ZFAT: variants seen among roughly 807,000 people sequenced by gnomAD.
ZFAT encodes the protein zinc finger protein ZFAT.
In ZFAT, 64 loss-of-function variants were observed where a neutral mutation model predicts 117.7. The ratio of observed to expected loss-of-function variants is 0.54; its 90% CI spans 0.44 to 0.67. The LOEUF is 0.67. ZFAT is among the 30% of genes least tolerant of loss of function. The probability of loss-of-function intolerance (pLI) is 0.00; values close to 1 mark genes in which losing one functional copy is unlikely to be tolerated. For synonymous variants in ZFAT, 679 were observed against 615.0 expected (o/e 1.10, Z -1.54); for missense variants, 1,433 against 1,584.5 (o/e 0.90, Z 1.62).
chr8:134,519,646 T>C (rs775789476), intron 13 of ZFAT, among the ~76,000 whole-genome samples: 1 of 152,244 alleles, frequency 6.6e-6, no homozygotes, highest in Non-Finnish European at 1.5e-5. Context: ...ACTTTTTATT[T>C]CTTTCCTTCC....
intron 4 of ZFAT, 109 bp downstream of exon 4, chr8:134,610,361 C>T: frequency 1.7e-6 from 2 of 1,193,546 alleles, no homozygotes; most frequent in Admixed American, 2.9e-5. Context: ...AATGGAGAGC[C>T]CCACCAATGC....
rs903261288 is a variant in ZFAT, at chr8:134,610,785, C to T, written c.449-130G>A. ...TTGGTCTGCAGTGCCACGCAGACCA[C>T]GGAATCACTGTAGGTACCACGGTGG... On this transcript the variant is annotated intron_variant, in intron 3 of 15. Coordinates refer to ENST00000377838, the MANE Select transcript of ZFAT (RefSeq NM_020863.4). The T allele has an allele frequency of 2.8e-5, 28 of 1,015,002 alleles. No individual in the cohort carries two copies. In the East Asian group the frequency reaches 3.8e-4, roughly 14 times the overall value. The allele number at this position is 1,015,002 out of a possible 1,614,324, so 62.9% of individuals were successfully genotyped here.
At chr8:134,801,358 C>T in the ZFAT span, among the ~76,000 whole-genome samples, 1 of 152,300 alleles carries the variant, frequency 6.6e-6, no homozygotes, top group South Asian at 2.1e-4. Context: ...TCTCCACTAA[C>T]TATTATCAGT....
the ZFAT span, among the ~76,000 whole-genome samples, chr8:134,736,532 G>A: frequency 1.3e-5 from 2 of 152,114 alleles, no homozygotes; most frequent in African/African-American, 4.8e-5. Flanking sequence ...ACAGAGCAAG[G>A]TTTGCATAGA....
At chr8:134,510,595 A>ACCC in intron 14 of ZFAT, 1 of 163,236 alleles carries the variant, frequency 6.1e-6, no homozygotes, top group Admixed American at 5.9e-5. Flanking sequence ...TTATATTCAC[A>ACCC]ATGCATCGCC....
intron 1 of ZFAT, 104 bp downstream of exon 1, chr8:134,712,741 C>T (rs1013240426): frequency 8.5e-7 from 1 of 1,170,490 alleles, no homozygotes; most frequent in Non-Finnish European, 1.1e-6. Flanking sequence ...CGGCGGCCGG[C>T]GGCCGGCGCA....
chr8:134,820,386 T>G, the ZFAT span, among the ~76,000 whole-genome samples: 1 of 152,246 alleles, frequency 6.6e-6, no homozygotes, highest in African/African-American at 2.4e-5. Context: ...CTACCAAGAC[T>G]GTAAGCTCCT....
At chr8:134,686,997 C>T (rs948695102) in intron 1 of ZFAT, among the ~76,000 whole-genome samples, 3 of 152,178 alleles carry the variant, frequency 2.0e-5, no homozygotes, top group African/African-American at 7.2e-5. Context: ...GAGACAGAGA[C>T]AGCATCTTCA....
chr8:134,555,541 CT>C (rs1206062905), intron 11 of ZFAT, among the ~76,000 whole-genome samples: 1 of 152,180 alleles, frequency 6.6e-6, no homozygotes, highest in Non-Finnish European at 1.5e-5. Flanking sequence ...ATAACATATA[CT>C]TTCCCAAGGC....
chr8:134,830,526 T>C, the ZFAT span, among the ~76,000 whole-genome samples: 28,790 of 152,190 alleles, frequency 0.19, 2,926 homozygotes, highest in Non-Finnish European at 0.23. Context: ...AGCACCCACA[T>C]ATCAGAAATG....
At chr8:134,599,422 TA>T (rs1340757181) in intron 7 of ZFAT, 1 of 238,570 alleles carries the variant, frequency 4.2e-6, no homozygotes, top group African/African-American at 2.4e-5. Context: ...TGGATGTATA[TA>T]AAATAGATTT....
At chr8:134,817,840 G>A in the ZFAT span, among the ~76,000 whole-genome samples, 6 of 152,058 alleles carry the variant, frequency 3.9e-5, no homozygotes, top group Non-Finnish European at 7.4e-5. Context: ...ATACCTCAAT[G>A]GAACAAAATC....
intron 1 of ZFAT, among the ~76,000 whole-genome samples, chr8:134,693,675 T>A (rs1833692574): frequency 6.6e-6 from 1 of 152,032 alleles, no homozygotes; most frequent in East Asian, 1.9e-4. Flanking sequence ...AATGACGGAA[T>A]TAGACACCCA....
chr8:134,818,859 T>C, the ZFAT span, among the ~76,000 whole-genome samples: 1 of 152,212 alleles, frequency 6.6e-6, no homozygotes, highest in Non-Finnish European at 1.5e-5. Context: ...GCATATTGTA[T>C]TCTAAGACAT....
intron 1 of ZFAT, among the ~76,000 whole-genome samples, chr8:134,669,389 CT>C (rs1218562019): frequency 1.3e-5 from 2 of 152,204 alleles, no homozygotes; most frequent in African/African-American, 4.8e-5. Context: ...GCCCATCTGA[CT>C]AACAACGGAT....
chr8:134,505,138 T>C (rs1819297104), intron 15 of ZFAT, among the ~76,000 whole-genome samples: 2 of 152,208 alleles, frequency 1.3e-5, no homozygotes, highest in South Asian at 4.1e-4. Flanking sequence ...TAACGTACTA[T>C]TATAATTTAC....
chr8:134,548,104 T>C (rs1264261961), intron 11 of ZFAT, among the ~76,000 whole-genome samples: 1 of 152,226 alleles, frequency 6.6e-6, no homozygotes, highest in Non-Finnish European at 1.5e-5. Context: ...AAGTTGGCCA[T>C]GATAAATCTA....
At chr8:134,541,257 T>C (rs1440518453) in intron 11 of ZFAT, among the ~76,000 whole-genome samples, 1 of 152,214 alleles carries the variant, frequency 6.6e-6, no homozygotes, top group Non-Finnish European at 1.5e-5. Context: ...CCCTCATGAA[T>C]GGATTTACAT....
chr8:134,589,699 G>C (rs1826319096), intron 8 of ZFAT, among the ~76,000 whole-genome samples: 1 of 152,182 alleles, frequency 6.6e-6, no homozygotes, highest in Admixed American at 6.5e-5. Context: ...AGCTACAAAA[G>C]CCTCCCCAGA....
Sources: allele counts gnomAD v4.1 joint callset (sites outside exome capture counted in the v4.1 genomes callset), GRCh38; gene constraint gnomAD v4.1.1; transcripts MANE v1.5; gene names NCBI Gene and HGNC (gene_info 2026-07-23, HGNC 2026-07-21).